The following SPOCK2 variants were observed in gnomAD, a reference collection of about 807,000 sequenced individuals.
The protein encoded by SPOCK2 is SPARC (osteonectin), cwcv and kazal like domains proteoglycan 2, also known as testican-2.
A neutral mutation model predicts 60.1 loss-of-function variants in SPOCK2; 39 were observed. The observed-to-expected ratio is 0.65, with a 90% CI of 0.50 to 0.85. The LOEUF (loss-of-function observed/expected upper bound fraction) is 0.85. SPOCK2 is among the 40% of genes least tolerant of loss of function. SPOCK2 has a pLI of 0.00. For missense variants in SPOCK2, 523 were observed against 567.4 expected (o/e 0.92, Z 0.80); for synonymous variants, 217 against 231.5 (o/e 0.94, Z 0.57).
chr10:72,072,344 TCCAGCAGC>T, intron 3 of SPOCK2, 86 bp from the exon 4 acceptor site: 1 of 1,454,036 alleles, frequency 6.9e-7, no homozygotes, highest in Non-Finnish European at 9.2e-7. Flanking sequence ...GGCCTCTCCC[TCCAGCAGC>T]CCTTGATAAC....
intron 8 of SPOCK2, among the ~76,000 whole-genome samples, chr10:72,064,614 T>C (rs934607476): frequency 8.5e-5 from 13 of 152,128 alleles, no homozygotes; most frequent in Non-Finnish European, 1.5e-4. Context: ...GGCCTGAAAA[T>C]ACAGCCACGC....
intron 5 of SPOCK2, chr10:72,068,724 C>G (rs1021153158): frequency 5.5e-6 from 1 of 181,492 alleles, no homozygotes; most frequent in Non-Finnish European, 1.1e-5. Flanking sequence ...GATCTCCCCC[C>G]AGTCACCCCA....
Position 72,072,486 on chromosome 10 carries a change from C to T in SPOCK2, c.244+17G>A, listed in dbSNP as rs199853321. On this transcript the variant is annotated intron_variant, in intron 3 of 10. Coordinates refer to ENST00000373109, the MANE Select transcript of SPOCK2 (RefSeq NM_001244950.2). ...ACACGTGTCAGTCACCTTCCCCCGC[C>T]GGGAGAGTCATGTTACCTTCATCTC... is the stretch of plus-strand genomic sequence containing the variant. 2.3e-4 allele frequency: 375 copies of T among 1,613,876 alleles called. 3 individuals are homozygous for T. The East Asian group carries it at 6.0e-3, about 26-fold the overall frequency.
intron 9 of SPOCK2, among the ~76,000 whole-genome samples, chr10:72,063,827 G>A (rs1840530625): frequency 6.6e-6 from 1 of 152,180 alleles, no homozygotes. Context: ...GAGCATGTGA[G>A]TGAGTGTCAC....
intron 1 of SPOCK2, among the ~76,000 whole-genome samples, chr10:72,081,485 C>T (rs1366390389): frequency 6.6e-6 from 1 of 152,218 alleles, no homozygotes; most frequent in Non-Finnish European, 1.5e-5. Context: ...CCTACAGAAT[C>T]TGTTCTCTAC....
chr10:72,062,559 A>C lies in SPOCK2; in HGVS notation c.*201T>G. ...ATGCCACACACACACACACATACAC[A>C]CATGCATGCACACATGCACTCACAC... On this transcript the variant is annotated 3_prime_UTR_variant, in exon 11 of 11. Coordinates refer to ENST00000373109, the MANE Select transcript of SPOCK2 (RefSeq NM_001244950.2). The surrounding 1 kb of genome is among the most constrained non-coding windows in gnomAD (Gnocchi z 4.3). The C allele has an allele frequency of 1.1e-6, 1 of 933,004 alleles. No individual in the cohort carries two copies. Among genetic ancestry groups the C allele is most frequent in the Non-Finnish European group, 1.6e-6 (1 of 629,166 alleles). 57.8% of individuals were successfully genotyped at this position (933,004 alleles called of 1,614,324 possible).
rs533371492 is a variant in SPOCK2 at position 72,088,534 on chromosome 10, G to A, written c.-206C>T. 5 of 559,718 alleles carry A rather than the reference G, an allele frequency of 8.9e-6. No homozygotes were observed. In the East Asian group the frequency reaches 9.6e-5, roughly 11 times the overall value. 34.7% of individuals were successfully genotyped at this position (559,718 alleles called of 1,614,324 possible). ...TCTGAAAAAGCCCAGCACTGGACGC[G>A]GAGAGGGAGAGAGAATCAGAGAGGC... is the stretch of plus-strand genomic sequence containing the variant. On this transcript the variant is annotated 5_prime_UTR_variant, in exon 1 of 11. Coordinates refer to ENST00000373109, the MANE Select transcript of SPOCK2 (RefSeq NM_001244950.2).
intron 1 of SPOCK2, among the ~76,000 whole-genome samples, chr10:72,077,148 T>A (rs1169293882): frequency 1.3e-5 from 2 of 151,950 alleles, no homozygotes; most frequent in Non-Finnish European, 2.9e-5. Context: ...TGAGACAGAG[T>A]CTTGCTCTGT....
intron 4 of SPOCK2, among the ~76,000 whole-genome samples, chr10:72,071,710 ATATGGTGTGGCT>A (rs1189938508): frequency 5.3e-5 from 8 of 152,196 alleles, no homozygotes; most frequent in African/African-American, 1.9e-4. Flanking sequence ...AATTGTTCTC[ATATGGTGTGGCT>A]TTCTCCTTGC....
At chr10:72,068,327 G>A (rs1301200224) in intron 5 of SPOCK2, 26 bp from the exon 6 acceptor site, 8 of 1,579,156 alleles carry the variant, frequency 5.1e-6, no homozygotes, top group Non-Finnish European at 6.9e-6. Context: ...GGTGGAACAG[G>A]GGACTGAGGG....
In SPOCK2 at chr10:72,062,889, G is replaced by T; in HGVS notation, c.1146C>A (p.Phe382Leu). The T allele has an allele frequency of 6.3e-7, 1 of 1,598,852 alleles. No homozygotes were observed. ...CGACACCGCTTCCAAAGTCCCCCGA[G>T]AAGCCCACGATGTCATCTGTGAGGG... is the stretch of plus-strand genomic sequence containing the variant. ...GSPDCDDIVG[F>L]SGDFGSGVGW... The change falls in exon 11 of 11, where the codon TTC becomes TTA. Residue 382 changes from phenylalanine (F) to leucine (L), a missense_variant. Physicochemically the swap from Phe to Leu is conservative, Grantham distance 22. Coordinates refer to ENST00000373109, the MANE Select transcript of SPOCK2 (RefSeq NM_001244950.2). The surrounding 1 kb of genome is among the most constrained non-coding windows in gnomAD (Gnocchi z 4.3).
At chr10:72,063,708 C>T (rs367706433) in intron 9 of SPOCK2, among the ~76,000 whole-genome samples, 188 of 152,302 alleles carry the variant, frequency 1.2e-3, no homozygotes, top group African/African-American at 3.7e-3. Context: ...CGGACTGGCC[C>T]GAGCTAAAGG....
chr10:72,085,304 T>C (rs1010799140), intron 1 of SPOCK2, among the ~76,000 whole-genome samples: 4 of 152,082 alleles, frequency 2.6e-5, no homozygotes, highest in Admixed American at 1.3e-4. Context: ...CCCTCCTCCC[T>C]GGCAGCCGGG....
At position 72,066,927 on chromosome 10, in the gene SPOCK2, C is replaced by T. The variant is rs749783237; in HGVS notation, c.903G>A (p.Glu301=). The change falls in exon 8 of 11, where the codon GAG becomes GAA. Residue 301 remains glutamate, a synonymous_variant. Transcript: ENST00000373109. ...TYKDGRVSTA[E]WCFCFWREKP... ...TCTCCCTCCAGAAGCAGAAGCACCA[C>T]TCAGCAGTAGAGACCCGGCCATCCT... The T allele has an allele frequency of 5.0e-6, 8 of 1,614,112 alleles. No individual in the cohort carries two copies. The highest frequency in any genetic ancestry group is 2.7e-5 in the African/African-American group (2 of 74,934).
intron 8 of SPOCK2, among the ~76,000 whole-genome samples, chr10:72,065,433 A>C (rs376312532): frequency 9.2e-5 from 14 of 152,364 alleles, no homozygotes; most frequent in African/African-American, 3.4e-4. Context: ...GTAACCTGGG[A>C]GCAATGGGCC....
chr10:72,088,271 C>T lies in SPOCK2; in HGVS notation c.58G>A (p.Ala20Thr), dbSNP rs775049930. 6.2e-7 allele frequency: 1 copy of T among 1,605,816 alleles called. No homozygotes were observed. The highest frequency in any genetic ancestry group is 1.7e-5 in the Admixed American group (1 of 59,306). Residue 20 changes from alanine to threonine, a missense_variant, in exon 1 of 11, where the codon GCC becomes ACC. By Grantham distance (58) the Ala-to-Thr change is moderately conservative. Coordinates refer to ENST00000373109, the MANE Select transcript of SPOCK2 (RefSeq NM_001244950.2). ...VLPLLLLAAA[A>T]LAEGDAKGLK... ...CCCTTGGCGTCGCCTTCGGCCAGGGCTGCCGCGGCCAGGAGCAGCAGCGGC... is the reference window on the plus strand; with the variant it reads ...CCCTTGGCGTCGCCTTCGGCCAGGGTTGCCGCGGCCAGGAGCAGCAGCGGC...
intron 1 of SPOCK2, chr10:72,086,388 T>TG (rs1564552091): frequency 8.0e-6 from 8 of 997,136 alleles, no homozygotes; most frequent in Non-Finnish European, 9.6e-6. Context: ...AGAAGGGAGG[T>TG]GGGGAGGAAT....
chr10:72,063,031 C>T lies in SPOCK2; in HGVS notation c.1123G>A (p.Asp375Asn), dbSNP rs58176786. ...TGAGCTGCCCAGCCCGTACCGCAGT[C>T]GGGGCTCCCATGCGTGCGCGTGCCA... is the stretch of plus-strand genomic sequence containing the variant. ...LTGTRTHGSP[D>N]CDDIVGFSGD... Residue 375 changes from aspartate to asparagine, a missense_variant, in exon 10 of 11, where the codon GAC becomes AAC. Transcript: ENST00000373109. 1.0e-4 allele frequency: 160 copies of T among 1,556,838 alleles called. No individual in the cohort carries two copies. In the African/African-American group the frequency reaches 1.6e-3, roughly 15 times the overall value.
At chr10:72,083,801 G>C (rs1195354446) in intron 1 of SPOCK2, among the ~76,000 whole-genome samples, 3 of 152,138 alleles carry the variant, frequency 2.0e-5, no homozygotes, top group Non-Finnish European at 4.4e-5. Flanking sequence ...TATATGTTTT[G>C]TTTTGTTTTT....
Sources: allele counts gnomAD v4.1 joint callset (sites outside exome capture counted in the v4.1 genomes callset), GRCh38; gene constraint gnomAD v4.1.1; non-coding constraint Gnocchi (gnomAD v3.1); transcripts MANE v1.5; gene names NCBI Gene and HGNC (gene_info 2026-07-23, HGNC 2026-07-21).